The following GNG7 variants were observed in gnomAD, a reference collection of about 807,000 sequenced individuals.
GNG7 encodes guanine nucleotide-binding protein G(I)/G(S)/G(O) subunit gamma-7.
GNG7 carries 1 observed loss-of-function variant against 4.0 expected under a neutral mutation model. The ratio of observed to expected loss-of-function variants is 0.25; its 90% CI spans 0.09 to 1.18. The LOEUF is 1.18. Among genes scored for constraint, GNG7 ranks in the 50% most tolerant of loss-of-function variants. The probability of loss-of-function intolerance (pLI) is 0.50; values close to 1 mark genes in which losing one functional copy is unlikely to be tolerated. For missense variants in GNG7, 86 were observed against 91.9 expected (o/e 0.94, Z 0.26); for synonymous variants, 34 against 36.9 (o/e 0.92, Z 0.29).
intron 2 of GNG7, among the ~76,000 whole-genome samples, chr19:2,576,011 G>T (rs530946890): frequency 1.3e-5 from 1 of 77,466 alleles, no homozygotes; most frequent in Non-Finnish European, 2.4e-5. Flanking sequence ...TCAGGTACAC[G>T]CAGACATGCA....
chr19:2,532,251 A>G (rs1002053008), intron 3 of GNG7, among the ~76,000 whole-genome samples: 1 of 152,198 alleles, frequency 6.6e-6, no homozygotes, highest in African/African-American at 2.4e-5. Flanking sequence ...TAATTGTGTT[A>G]ATTACGTTCA....
chr19:2,648,126 G>A (rs1050668689), intron 1 of GNG7, among the ~76,000 whole-genome samples: 1 of 150,944 alleles, frequency 6.6e-6, no homozygotes, highest in African/African-American at 2.4e-5. Flanking sequence ...CTGGGATAAA[G>A]AGTGAAATTT....
chr19:2,693,635 T>C (rs1397435571), intron 1 of GNG7, among the ~76,000 whole-genome samples: 1 of 152,096 alleles, frequency 6.6e-6, no homozygotes, highest in Non-Finnish European at 1.5e-5. Flanking sequence ...GCGGCCATCC[T>C]GGGCACTGCA....
intron 2 of GNG7, among the ~76,000 whole-genome samples, chr19:2,561,628 A>G (rs1979743533): frequency 6.6e-6 from 1 of 151,794 alleles, no homozygotes; most frequent in East Asian, 1.9e-4. Context: ...CTGTAATCCC[A>G]GCACTTTGGG....
intron 1 of GNG7, among the ~76,000 whole-genome samples, chr19:2,678,982 A>C (rs996087238): frequency 6.6e-6 from 1 of 152,190 alleles, no homozygotes; most frequent in African/African-American, 2.4e-5. Context: ...AACAGACTTC[A>C]TCGTTTTCTG....
At chr19:2,543,367 T>G (rs1449862197) in intron 3 of GNG7, among the ~76,000 whole-genome samples, 1 of 151,998 alleles carries the variant, frequency 6.6e-6, no homozygotes, top group Non-Finnish European at 1.5e-5. Flanking sequence ...ACTACAGGTG[T>G]GCACCACCAT....
intron 1 of GNG7, among the ~76,000 whole-genome samples, chr19:2,649,530 C>A (rs1157602493): frequency 6.6e-6 from 1 of 151,938 alleles, no homozygotes; most frequent in Non-Finnish European, 1.5e-5. Flanking sequence ...GCTGGGATTA[C>A]AGGCACCTAC....
At chr19:2,568,172 C>T (rs1036264583) in intron 2 of GNG7, among the ~76,000 whole-genome samples, 1 of 151,014 alleles carries the variant, frequency 6.6e-6, no homozygotes, top group Admixed American at 6.6e-5. Flanking sequence ...TACATACACA[C>T]ACATACACAC....
chr19:2,622,233 C>G (rs1277009073), intron 2 of GNG7, among the ~76,000 whole-genome samples: 1 of 152,122 alleles, frequency 6.6e-6, no homozygotes, highest in Admixed American at 6.6e-5. Flanking sequence ...GCGCCCGCCA[C>G]CACACCCGGC....
chr19:2,657,453 T>A (rs2144874319), intron 1 of GNG7, among the ~76,000 whole-genome samples: 1 of 139,802 alleles, frequency 7.2e-6, no homozygotes, highest in South Asian at 2.3e-4. Flanking sequence ...CACTCAGAGC[T>A]GAAACTCAAA....
intron 3 of GNG7, among the ~76,000 whole-genome samples, chr19:2,526,293 C>A (rs868426254): frequency 6.7e-6 from 1 of 149,764 alleles, no homozygotes; most frequent in Non-Finnish European, 1.5e-5. Flanking sequence ...TTAATAGAGA[C>A]GGGGTTTCCC....
rs1237526062 is a variant in GNG7, at chr19:2,611,349, G to C, written c.-78+34875C>G. 1 of 152,270 alleles carries C rather than the reference G, an allele frequency of 6.6e-6. No individual in the cohort carries two copies. Among genetic ancestry groups the C allele is most frequent in the African/African-American group, 2.4e-5 (1 of 41,438 alleles). The allele number at this position is 152,270 out of a possible 1,614,324, so 9.4% of individuals were successfully genotyped here. On this transcript the variant is annotated intron_variant, in intron 2 of 4. Coordinates refer to ENST00000382159, the MANE Select transcript of GNG7 (RefSeq NM_052847.3). The surrounding 1 kb of genome is among the most constrained non-coding windows in gnomAD (Gnocchi z 6.0). ...GCTGGAGCCAGGACAGGTCTCCCGGGAGCTGGTCTGTGCTGCCACCTGCTG... is the reference window on the plus strand; with the variant it reads ...GCTGGAGCCAGGACAGGTCTCCCGGCAGCTGGTCTGTGCTGCCACCTGCTG...
chr19:2,615,163 CTCT>C (rs999665312), intron 2 of GNG7, among the ~76,000 whole-genome samples: 2 of 149,260 alleles, frequency 1.3e-5, no homozygotes, highest in African/African-American at 4.9e-5. Flanking sequence ...ATCTGTGACA[CTCT>C]TTTTTTTTTT....
At chr19:2,548,069 C>T (rs113370987) in intron 3 of GNG7, among the ~76,000 whole-genome samples, 10 of 152,288 alleles carry the variant, frequency 6.6e-5, no homozygotes, top group African/African-American at 2.4e-4. Flanking sequence ...CCAGGGCCAC[C>T]CCACTCCAGC....
At chr19:2,598,117 A>G (rs973822337) in intron 2 of GNG7, among the ~76,000 whole-genome samples, 4 of 152,074 alleles carry the variant, frequency 2.6e-5, no homozygotes, top group African/African-American at 9.7e-5. Context: ...GGCTCTGTCC[A>G]TCAACGACCG....
intron 3 of GNG7, chr19:2,538,621 A>T (rs1407680499): frequency 6.9e-6 from 3 of 436,598 alleles, no homozygotes; most frequent in Non-Finnish European, 1.4e-5. Flanking sequence ...ACAGAGCAAG[A>T]CCCTGTCTTT....
chr19:2,588,844 G>C (rs926427305), intron 2 of GNG7, among the ~76,000 whole-genome samples: 1 of 152,114 alleles, frequency 6.6e-6, no homozygotes, highest in African/African-American at 2.4e-5. Context: ...CCCTTGCTTT[G>C]TCTTCGTGGT....
At chr19:2,528,389 G>A (rs1334797288) in intron 3 of GNG7, among the ~76,000 whole-genome samples, 8 of 149,328 alleles carry the variant, frequency 5.4e-5, no homozygotes, top group East Asian at 3.9e-4. Flanking sequence ...TGGCTAACAC[G>A]GTGAAACCCT....
rs530060721 is a variant in GNG7 at position 2,585,761 on chromosome 19, C to T, written c.-77-30573G>A. On this transcript the variant is annotated intron_variant, in intron 2 of 4. Coordinates refer to ENST00000382159, the MANE Select transcript of GNG7 (RefSeq NM_052847.3). ...TGTTTCCCAGGCTGGAGTGCAGTGGCGCGATCTCGGCTCACTGTAACCTCC... is the reference window on the plus strand; with the variant it reads ...TGTTTCCCAGGCTGGAGTGCAGTGGTGCGATCTCGGCTCACTGTAACCTCC... Among the ~76,000 whole-genome samples, 260 of 152,232 alleles carry T rather than the reference C, an allele frequency of 1.7e-3. 1 individual carries two copies. Among genetic ancestry groups the T allele is most frequent in the Admixed American group, 4.2e-3 (64 of 15,288 alleles).
Sources: gnomAD v4.1 joint callset for allele counts (sites outside exome capture counted in the v4.1 genomes callset) on GRCh38, gnomAD v4.1.1 for gene constraint, Gnocchi (gnomAD v3.1) non-coding constraint, MANE v1.5 for transcripts, NCBI Gene and HGNC (gene_info 2026-07-23, HGNC 2026-07-21) for gene names.